The following DLGAP2 variants were observed in gnomAD, a reference collection of about 807,000 sequenced individuals.
The protein encoded by DLGAP2 is disks large-associated protein 2.
A neutral mutation model predicts 100.3 loss-of-function variants in DLGAP2; 26 were observed. That is an observed-to-expected ratio of 0.26 (90% CI 0.19 to 0.36). DLGAP2 has a LOEUF of 0.36. Ranked by LOEUF, DLGAP2 falls within the 10% of genes least tolerant of loss-of-function variation. The probability of loss-of-function intolerance (pLI) is 1.00; values close to 1 mark genes in which losing one functional copy is unlikely to be tolerated. For missense variants in DLGAP2, 1,858 were observed against 1,453.2 expected, an observed-to-expected ratio of 1.28 and a Z score of -4.53; for synonymous variants, 886 against 630.1, an observed-to-expected ratio of 1.41 and a Z score of -6.08.
intron 2 of DLGAP2, among the ~76,000 whole-genome samples, chr8:917,969 T>C (rs552305663): frequency 9.8e-5 from 15 of 152,304 alleles, no homozygotes; most frequent in Non-Finnish European, 1.5e-5. Flanking sequence ...TTCTGAGATA[T>C]GTAATGATTA....
At chr8:1,493,221 G>A (rs1286118810) in intron 3 of DLGAP2, among the ~76,000 whole-genome samples, 1 of 152,164 alleles carries the variant, frequency 6.6e-6, no homozygotes, top group Admixed American at 6.5e-5. Context: ...TCTGAGACGC[G>A]CCTCCATGGA....
At chr8:830,300 A>G (rs931059016) in intron 1 of DLGAP2, among the ~76,000 whole-genome samples, 2 of 152,222 alleles carry the variant, frequency 1.3e-5, no homozygotes, top group East Asian at 3.8e-4. Context: ...TTTTTGTTAC[A>G]AACAATCCAA....
At chr8:1,273,482 A>G (rs773574194) in intron 3 of DLGAP2, among the ~76,000 whole-genome samples, 2 of 152,176 alleles carry the variant, frequency 1.3e-5, no homozygotes, top group Admixed American at 6.5e-5. Flanking sequence ...TATGCTCAAG[A>G]TGGATGACCA....
intron 3 of DLGAP2, among the ~76,000 whole-genome samples, chr8:1,431,681 C>G (rs76280489): frequency 6.6e-6 from 1 of 152,216 alleles, no homozygotes; most frequent in African/African-American, 2.4e-5. Context: ...GCTTTCAGTC[C>G]GACTGCGGAG....
chr8:1,263,568 C>G (rs530702888), intron 3 of DLGAP2, among the ~76,000 whole-genome samples: 4 of 152,288 alleles, frequency 2.6e-5, no homozygotes, highest in African/African-American at 7.2e-5. Context: ...TTTTTAAATA[C>G]AAGATATTCA....
At chr8:1,007,403 C>A (rs1313215668) in intron 2 of DLGAP2, among the ~76,000 whole-genome samples, 1 of 152,246 alleles carries the variant, frequency 6.6e-6, no homozygotes, top group Non-Finnish European at 1.5e-5. Flanking sequence ...CCAGCATTTT[C>A]CTGCTACCTT....
intron 2 of DLGAP2, among the ~76,000 whole-genome samples, chr8:1,181,229 G>T (rs111785512): frequency 6.6e-6 from 1 of 151,122 alleles, no homozygotes; most frequent in African/African-American, 2.4e-5. Context: ...GTGGGTGGCT[G>T]TGCAAGGGCA....
chr8:1,437,898 A>G (rs1385319689), intron 3 of DLGAP2, among the ~76,000 whole-genome samples: 1 of 151,802 alleles, frequency 6.6e-6, no homozygotes, highest in Non-Finnish European at 1.5e-5. Flanking sequence ...AGACAGGAGA[A>G]TTGCTTGAAC....
chr8:1,475,305 C>A (rs1798900938), intron 3 of DLGAP2, among the ~76,000 whole-genome samples: 1 of 151,748 alleles, frequency 6.6e-6, no homozygotes, highest in South Asian at 2.1e-4. Flanking sequence ...ACCCTCAATT[C>A]TAAAATAAAC....
chr8:1,042,663 G>T (rs1372337181), intron 2 of DLGAP2, among the ~76,000 whole-genome samples: 1 of 152,162 alleles, frequency 6.6e-6, no homozygotes, highest in African/African-American at 2.4e-5. Flanking sequence ...GGGAAGTCCT[G>T]GGGGCTTGGA....
chr8:1,328,478 T>C (rs537493805), intron 3 of DLGAP2, among the ~76,000 whole-genome samples: 28 of 152,082 alleles, frequency 1.8e-4, no homozygotes, highest in Admixed American at 1.4e-3. Context: ...CCTGACTAAT[T>C]TGTGTGTGTT....
At chr8:944,781 C>A (rs962090284) in intron 2 of DLGAP2, among the ~76,000 whole-genome samples, 3 of 151,202 alleles carry the variant, frequency 2.0e-5, no homozygotes, top group African/African-American at 7.3e-5. Context: ...TGTGGGTGAT[C>A]CAGGGGGTGG....
At chr8:911,001 G>C (rs192069575) in intron 2 of DLGAP2, among the ~76,000 whole-genome samples, 27 of 152,160 alleles carry the variant, frequency 1.8e-4, no homozygotes, top group African/African-American at 6.0e-4. Context: ...AGTCCCAGAC[G>C]CCTGCCCATT....
chr8:1,241,385 A>C (rs951431800), intron 2 of DLGAP2, among the ~76,000 whole-genome samples: 1 of 151,654 alleles, frequency 6.6e-6, no homozygotes, highest in East Asian at 1.9e-4. Context: ...CGCCGTGTCT[A>C]GTTCTCTGTC....
chr8:768,123 C>G (rs1294457179), intron 1 of DLGAP2, among the ~76,000 whole-genome samples: 1 of 152,050 alleles, frequency 6.6e-6, no homozygotes, highest in Non-Finnish European at 1.5e-5. Flanking sequence ...GATACAGGTC[C>G]CCTCACTCAT....
chr8:1,449,150 A>T (rs1471220524), intron 3 of DLGAP2, among the ~76,000 whole-genome samples: 1 of 152,122 alleles, frequency 6.6e-6, no homozygotes, highest in African/African-American at 2.4e-5. Context: ...TCTTCCCCTG[A>T]TGGGGAAAGT....
At chr8:1,457,975 CATATATATATATATAT>C (rs57897392) in intron 3 of DLGAP2, among the ~76,000 whole-genome samples, 4,254 of 107,752 alleles carry the variant, frequency 0.039, 313 homozygotes, top group African/African-American at 0.13. Context: ...GTTCTCTGAT[CATATATATATATATAT>C]ATATATATAT....
intron 3 of DLGAP2, among the ~76,000 whole-genome samples, chr8:1,422,620 G>A (rs1584884105): frequency 6.6e-6 from 1 of 151,402 alleles, no homozygotes. Flanking sequence ...TTGAGAAGCC[G>A]ACTCACGGTT....
chr8:1,309,365 A>C (rs762483585), intron 3 of DLGAP2, among the ~76,000 whole-genome samples: 2 of 152,220 alleles, frequency 1.3e-5, no homozygotes, highest in African/African-American at 2.4e-5. Flanking sequence ...GAAGTGACTC[A>C]TCACACACAA....
Sources: allele counts gnomAD v4.1 joint callset (sites outside exome capture counted in the v4.1 genomes callset), GRCh38; gene constraint gnomAD v4.1.1; transcripts MANE v1.5; gene names NCBI Gene and HGNC (gene_info 2026-07-23, HGNC 2026-07-21).